Variants in MSI2 observed in about 807,000 individuals in gnomAD.
MSI2 encodes RNA-binding protein Musashi homolog 2.
Under a neutral mutation model 45.6 loss-of-function variants are expected in MSI2, and 17 were observed. That is an observed-to-expected ratio of 0.37 (90% CI 0.26 to 0.56). The LOEUF (loss-of-function observed/expected upper bound fraction) is 0.56, where lower values mean the gene tolerates loss of function less well. Among genes scored for constraint, MSI2 ranks in the 20% least tolerant of loss-of-function variants. The pLI is 0.77. For missense variants in MSI2, 293 were observed against 444.2 expected (o/e 0.66, Z 3.06); for synonymous variants, 156 against 158.2 (o/e 0.99, Z 0.11).
intron 8 of MSI2, among the ~76,000 whole-genome samples, chr17:57,604,261 C>G (rs1906272217): frequency 6.6e-6 from 1 of 152,182 alleles, no homozygotes. Flanking sequence ...TGGAACAGAG[C>G]CAGGCCATGG....
chr17:57,545,331 T>C (rs560420850), intron 7 of MSI2, among the ~76,000 whole-genome samples: 91 of 152,296 alleles, frequency 6.0e-4, no homozygotes, highest in African/African-American at 2.1e-3. Context: ...TTGCTATGAA[T>C]TGGAACTGGG....
At chr17:57,290,481 A>T (rs1910309333) in intron 5 of MSI2, among the ~76,000 whole-genome samples, 1 of 152,074 alleles carries the variant, frequency 6.6e-6, no homozygotes, top group Admixed American at 6.6e-5. Flanking sequence ...TTTAATTTTT[A>T]AAAATTTTTT....
intron 5 of MSI2, among the ~76,000 whole-genome samples, chr17:57,333,461 A>T (rs1194845144): frequency 6.7e-6 from 1 of 149,014 alleles, no homozygotes; most frequent in African/African-American, 2.5e-5. Flanking sequence ...TTTTTGAGAC[A>T]GAGTCTCACT....
intron 9 of MSI2, among the ~76,000 whole-genome samples, chr17:57,617,175 G>A (rs1907794479): frequency 6.6e-6 from 1 of 152,194 alleles, no homozygotes; most frequent in African/African-American, 2.4e-5. Flanking sequence ...GGAACTTTAT[G>A]AAATAGAAAA....
chr17:57,462,604 T>C (rs567255977), intron 6 of MSI2, among the ~76,000 whole-genome samples: 1 of 152,318 alleles, frequency 6.6e-6, no homozygotes, highest in East Asian at 1.9e-4. Flanking sequence ...ACTTGGAGAA[T>C]TTCCTTCTAT....
intron 6 of MSI2, among the ~76,000 whole-genome samples, chr17:57,445,358 G>T (rs1388915443): frequency 6.6e-6 from 1 of 152,182 alleles, no homozygotes; most frequent in Non-Finnish European, 1.5e-5. Flanking sequence ...TGAGCTGTCC[G>T]ATGCTGGGGT....
intron 7 of MSI2, among the ~76,000 whole-genome samples, chr17:57,553,219 G>GTGAACCA (rs2087347657): frequency 6.6e-6 from 1 of 152,192 alleles, no homozygotes; most frequent in South Asian, 2.1e-4. Flanking sequence ...CTAGGCTCAT[G>GTGAACCA]GGCACAGAGC....
chr17:57,587,429 C>T (rs748867020), intron 7 of MSI2, among the ~76,000 whole-genome samples: 3 of 152,276 alleles, frequency 2.0e-5, no homozygotes, highest in South Asian at 2.1e-4. Flanking sequence ...ATGCCGCCAA[C>T]GTAGCTTAAT....
chr17:57,374,757 C>T (rs751368904), intron 5 of MSI2, among the ~76,000 whole-genome samples: 55 of 152,064 alleles, frequency 3.6e-4, no homozygotes, highest in Non-Finnish European at 6.9e-4. Flanking sequence ...CCAACCTGGG[C>T]GGTAGAGTGA....
chr17:57,509,610 G>C (rs1019872099), intron 6 of MSI2, among the ~76,000 whole-genome samples: 1 of 151,976 alleles, frequency 6.6e-6, no homozygotes, highest in Admixed American at 6.6e-5. Flanking sequence ...TAGTAGAGAT[G>C]GTGTTTCACC....
intron 6 of MSI2, among the ~76,000 whole-genome samples, chr17:57,413,965 G>A (rs965136036): frequency 6.6e-6 from 1 of 151,918 alleles, no homozygotes; most frequent in African/African-American, 2.4e-5. Context: ...GCCAGGTACC[G>A]AGCTAGGAGC....
rs150812952 is a variant in MSI2 at position 57,446,173 on chromosome 17, C to T, written c.405+44702C>T. 3.9e-3 allele frequency among the ~76,000 whole-genome samples: 592 copies of T among 152,076 alleles called. 9 individuals carry two copies. The highest frequency in any genetic ancestry group is 0.031 in the Admixed American group (470 of 15,268). ...TGGGGTGGGGTGTGTGTGAGGGTGTCGATTTAGGCATAGCCTTCAGAGAGG... is the reference window on the plus strand; with the variant it reads ...TGGGGTGGGGTGTGTGTGAGGGTGTTGATTTAGGCATAGCCTTCAGAGAGG... On this transcript the variant is annotated intron_variant, in intron 6 of 13. Transcript: ENST00000284073.
At chr17:57,673,265 G>A (rs966737506) in intron 11 of MSI2, among the ~76,000 whole-genome samples, 2 of 152,206 alleles carry the variant, frequency 1.3e-5, no homozygotes, top group Admixed American at 6.5e-5. Context: ...GGCTCTTCCA[G>A]GCCCACCAGA....
intron 5 of MSI2, among the ~76,000 whole-genome samples, chr17:57,334,410 G>A (rs1242959742): frequency 2.6e-5 from 4 of 152,130 alleles, no homozygotes; most frequent in Admixed American, 6.5e-5. Flanking sequence ...AGGTGGATGT[G>A]CAAAGGGGCT....
intron 5 of MSI2, 57 bp from the exon 6 acceptor site, chr17:57,401,322 G>T: frequency 7.1e-7 from 1 of 1,409,478 alleles, no homozygotes; most frequent in Non-Finnish European, 1.0e-6. Flanking sequence ...GCAGCCTCTT[G>T]AGCCCTGCTT....
intron 6 of MSI2, among the ~76,000 whole-genome samples, chr17:57,475,579 C>T (rs1370324119): frequency 6.6e-6 from 1 of 152,030 alleles, no homozygotes; most frequent in Non-Finnish European, 1.5e-5. Flanking sequence ...TGAAAATTTA[C>T]CTTTAAAACA....
intron 5 of MSI2, among the ~76,000 whole-genome samples, chr17:57,316,221 T>C (rs1243207988): frequency 6.6e-6 from 1 of 152,182 alleles, no homozygotes; most frequent in Non-Finnish European, 1.5e-5. Flanking sequence ...GTAATACATT[T>C]ACAATCTCTA....
chr17:57,419,104 T>A (rs1389158441), intron 6 of MSI2, among the ~76,000 whole-genome samples: 1 of 152,198 alleles, frequency 6.6e-6, no homozygotes, highest in Non-Finnish European at 1.5e-5. Flanking sequence ...AATTGATGCC[T>A]TGATTTCTGT....
chr17:57,560,141 G>T (rs1567899595), intron 7 of MSI2, among the ~76,000 whole-genome samples: 2 of 152,242 alleles, frequency 1.3e-5, no homozygotes, highest in African/African-American at 4.8e-5. Flanking sequence ...GGTATCTCTC[G>T]TAGTACAGTA....
Sources: allele counts gnomAD v4.1 joint callset (sites outside exome capture counted in the v4.1 genomes callset), GRCh38; gene constraint gnomAD v4.1.1; transcripts MANE v1.5; gene names NCBI Gene and HGNC (gene_info 2026-07-23, HGNC 2026-07-21).